Variants in IGF2R observed in about 807,000 individuals in gnomAD.
The protein encoded by IGF2R is insulin like growth factor 2 receptor.
IGF2R carries 91 observed loss-of-function variants against 270.6 expected under a neutral mutation model. The ratio of observed to expected loss-of-function variants is 0.34; its 90% CI spans 0.28 to 0.40. IGF2R has a LOEUF of 0.40. IGF2R is among the 10% of genes least tolerant of loss of function. The pLI is 1.00. For synonymous variants in IGF2R, 1,316 were observed against 1,258.9 expected, an observed-to-expected ratio of 1.05 and a Z score of -0.96; for missense variants, 2,805 against 3,188.3, an observed-to-expected ratio of 0.88 and a Z score of 2.90.
rs778780344 is a variant in IGF2R, at chr6:160,078,317, C to T, written c.5433C>T (p.Leu1811=). ...GCTGTACCCTGACAGATGAGCAGCT[C>T]CTCTACAGCTTCAACTTGTCCAGCC... ...MDGCTLTDEQ[L]LYSFNLSSLS... The change falls in exon 37 of 48, where the codon CTC becomes CTT. Residue 1811 remains leucine (L), a synonymous_variant. Coordinates refer to ENST00000356956, the MANE Select transcript of IGF2R (RefSeq NM_000876.4). The T allele has an allele frequency of 6.8e-6, 11 of 1,614,174 alleles. No homozygotes were observed. The highest frequency in any genetic ancestry group is 8.5e-6 in the Non-Finnish European group (10 of 1,179,992).
At chr6:160,023,518 C>A (rs576366900) in intron 4 of IGF2R, among the ~76,000 whole-genome samples, 36 of 152,228 alleles carry the variant, frequency 2.4e-4, no homozygotes, top group African/African-American at 8.2e-4. Context: ...AGGAGCTGTA[C>A]CCCAAGCTTC....
chr6:160,047,097 G>C (rs1034984721), intron 15 of IGF2R, 62 bp from the exon 16 acceptor site: 15 of 1,517,684 alleles, frequency 9.9e-6, no homozygotes, highest in East Asian at 2.3e-5. Context: ...CCTTCAGTGT[G>C]GCAGCCTTGG....
intron 12 of IGF2R, among the ~76,000 whole-genome samples, chr6:160,043,905 T>C (rs893829344): frequency 6.6e-6 from 1 of 152,270 alleles, no homozygotes. Context: ...TTAGGAATTA[T>C]CTCGGTATTC....
intron 45 of IGF2R, among the ~76,000 whole-genome samples, chr6:160,098,613 G>A (rs1055643510): frequency 1.8e-4 from 28 of 152,172 alleles, no homozygotes; most frequent in African/African-American, 6.3e-4. Flanking sequence ...GAGGTCAGGA[G>A]TTCTAGACCA....
chr6:159,984,753 G>T (rs184920213), intron 1 of IGF2R, among the ~76,000 whole-genome samples: 1 of 152,252 alleles, frequency 6.6e-6, no homozygotes, highest in Non-Finnish European at 1.5e-5. Flanking sequence ...GCCATTAAGT[G>T]AGTGACTATA....
At chr6:159,978,121 C>T (rs1783722390) in intron 1 of IGF2R, among the ~76,000 whole-genome samples, 3 of 152,142 alleles carry the variant, frequency 2.0e-5, no homozygotes, top group African/African-American at 7.2e-5. Context: ...CTGCCTCAAC[C>T]AGAGAGCATT....
chr6:160,007,333 A>G (rs1784259174), intron 2 of IGF2R: 1 of 152,218 alleles, frequency 6.6e-6, no homozygotes, highest in South Asian at 2.1e-4. Context: ...TGAACCAGTT[A>G]ACATTTCACT....
intron 9 of IGF2R, 75 bp from the exon 10 acceptor site, chr6:160,034,340 AATGT>A (rs1777765954): frequency 3.4e-6 from 3 of 882,846 alleles, no homozygotes; most frequent in Non-Finnish European, 3.8e-6. Flanking sequence ...CAAAAGGCTT[AATGT>A]AGACATTTAA....
chr6:160,011,536 T>C (rs932555176), intron 4 of IGF2R, among the ~76,000 whole-genome samples: 1 of 150,072 alleles, frequency 6.7e-6, no homozygotes, highest in African/African-American at 2.4e-5. Context: ...ACATATGTGT[T>C]ACCTCACATA....
chr6:160,054,270 T>C (rs1286437856), intron 19 of IGF2R, among the ~76,000 whole-genome samples: 1 of 152,208 alleles, frequency 6.6e-6, no homozygotes, highest in Non-Finnish European at 1.5e-5. Context: ...CACACATGCG[T>C]GGTAGGCAAC....
At chr6:160,008,924 G>A (rs1216917636) in intron 2 of IGF2R, 86 bp from the exon 3 acceptor site, 1 of 1,343,264 alleles carries the variant, frequency 7.4e-7, no homozygotes. Flanking sequence ...ACATTATAAT[G>A]CTACTTTTAA....
chr6:159,983,814 TGCTTACATA>T (rs1783840184), intron 1 of IGF2R, among the ~76,000 whole-genome samples: 1 of 152,204 alleles, frequency 6.6e-6, no homozygotes, highest in Non-Finnish European at 1.5e-5. Flanking sequence ...GTTCACAAGC[TGCTTACATA>T]GAAATAGCAA....
chr6:160,041,077 C>T (rs895668050), intron 11 of IGF2R, among the ~76,000 whole-genome samples: 3 of 152,166 alleles, frequency 2.0e-5, no homozygotes, highest in Non-Finnish European at 4.4e-5. Context: ...CCTCAGCGTG[C>T]AGTGGGCTTG....
Position 160,103,799 on chromosome 6 carries a change from C to A in IGF2R, c.7049C>A (p.Ser2350Tyr). 3 of 1,609,570 alleles carry A rather than the reference C, an allele frequency of 1.9e-6. No homozygotes were observed. Among genetic ancestry groups the A allele is most frequent in the Non-Finnish European group, 2.6e-6 (3 of 1,175,896 alleles). Residue 2350 changes from serine to tyrosine, a missense_variant, in exon 47 of 48, where the codon TCC becomes TAC. Coordinates refer to ENST00000356956, the MANE Select transcript of IGF2R (RefSeq NM_000876.4). ...TGCTGTAGGAGAAGTTCCAACGTGT[C>A]CTACAAATACTCAAAGGTAATTTTC... ...TTCCRRSSNV[S>Y]YKYSKVNKEE...
chr6:160,040,746 G>A (rs768341678), intron 11 of IGF2R, 22 bp downstream of exon 11: 18 of 1,603,404 alleles, frequency 1.1e-5, no homozygotes, highest in Admixed American at 1.7e-5. Context: ...CTTGCCATGC[G>A]GGTCTTAGTC....
At chr6:159,972,480 G>A (rs1783624970) in intron 1 of IGF2R, among the ~76,000 whole-genome samples, 1 of 152,182 alleles carries the variant, frequency 6.6e-6, no homozygotes, top group African/African-American at 2.4e-5. Context: ...CAGAATCCTA[G>A]CCGTAAATTC....
At position 160,047,859 on chromosome 6, in the gene IGF2R, A is replaced by G; in HGVS notation, c.2297A>G (p.Glu766Gly). ...TATGCCTGCCCGGAGGAGCCCCTGG[A>G]ATGCGTAGTGACCGACCCCTCCACG... ...TSYACPEEPL[E>G]CVVTDPSTLE... The change falls in exon 17 of 48, where the codon GAA becomes GGA. Residue 766 changes from glutamate (E) to glycine (G), a missense_variant. Transcript: ENST00000356956. The G allele has an allele frequency of 6.2e-7, 1 of 1,614,124 alleles. No homozygotes were observed.
chr6:160,056,314 A>C (rs755019186), intron 19 of IGF2R, 110 bp from the exon 20 acceptor site: 29 of 739,394 alleles, frequency 3.9e-5, no homozygotes, highest in Non-Finnish European at 6.6e-5. Flanking sequence ...CTGACTCATA[A>C]TAAACATCTA....
intron 9 of IGF2R, 28 bp downstream of exon 9, chr6:160,033,135 C>G: frequency 6.3e-7 from 1 of 1,582,496 alleles, no homozygotes; most frequent in Non-Finnish European, 8.7e-7. Flanking sequence ...GTGCGATTTT[C>G]CTTTTTCTTT....
Sources: gnomAD v4.1 joint callset for allele counts (sites outside exome capture counted in the v4.1 genomes callset) on GRCh38, gnomAD v4.1.1 for gene constraint, MANE v1.5 for transcripts, NCBI Gene and HGNC (gene_info 2026-07-23, HGNC 2026-07-21) for gene names.